LAMA2: variants seen among roughly 807,000 people sequenced by gnomAD.
The protein encoded by LAMA2 is laminin subunit alpha-2.
A neutral mutation model predicts 364.8 loss-of-function variants in LAMA2; 269 were observed. The observed-to-expected ratio is 0.74, with a 90% CI of 0.67 to 0.82. LAMA2 has a LOEUF of 0.82. LAMA2 is among the 40% of genes least tolerant of loss of function. LAMA2 has a pLI of 0.00. For synonymous variants in LAMA2, 1,379 were observed against 1,370.6 expected, an observed-to-expected ratio of 1.01 and a Z score of -0.14; for missense variants, 3,807 against 3,873.2, an observed-to-expected ratio of 0.98 and a Z score of 0.45.
intron 1 of LAMA2, among the ~76,000 whole-genome samples, chr6:128,906,059 AG>A (rs1777442226): frequency 6.7e-6 from 1 of 149,596 alleles, no homozygotes. Flanking sequence ...GTTGGTTCCA[AG>A]TCTTTGCTAT....
At chr6:129,413,223 T>C (rs996342831) in intron 40 of LAMA2, among the ~76,000 whole-genome samples, 1 of 151,990 alleles carries the variant, frequency 6.6e-6, no homozygotes, top group Non-Finnish European at 1.5e-5. Flanking sequence ...AAAGTGATCA[T>C]GATAGAATAA....
chr6:129,062,489 A>C (rs1034810551), intron 3 of LAMA2, among the ~76,000 whole-genome samples: 1 of 152,090 alleles, frequency 6.6e-6, no homozygotes, highest in African/African-American at 2.4e-5. Flanking sequence ...ATATTGCACT[A>C]TCTTCTCCTG....
At chr6:128,927,300 T>A (rs1779159953) in intron 1 of LAMA2, among the ~76,000 whole-genome samples, 2 of 152,220 alleles carry the variant, frequency 1.3e-5, no homozygotes, top group South Asian at 4.1e-4. Flanking sequence ...TCATGAGATG[T>A]CTTAAATACT....
At chr6:129,148,937 A>G in intron 6 of LAMA2, 42 bp from the exon 7 acceptor site, 1 of 1,314,484 alleles carries the variant, frequency 7.6e-7, no homozygotes, top group Non-Finnish European at 1.1e-6. Flanking sequence ...TTATGGTTCT[A>G]AATGAGGCTA....
chr6:128,949,278 C>G (rs562026558), intron 1 of LAMA2, among the ~76,000 whole-genome samples: 1 of 152,224 alleles, frequency 6.6e-6, no homozygotes, highest in South Asian at 2.1e-4. Flanking sequence ...ATATTAGGTG[C>G]AGATTCTTCT....
At chr6:128,990,498 T>G (rs1228980379) in intron 1 of LAMA2, among the ~76,000 whole-genome samples, 1 of 152,222 alleles carries the variant, frequency 6.6e-6, no homozygotes, top group African/African-American at 2.4e-5. Flanking sequence ...CCTATTATAA[T>G]GGATGCTACA....
intron 4 of LAMA2, among the ~76,000 whole-genome samples, chr6:129,130,925 AAAAC>A (rs976644298): frequency 7.9e-5 from 12 of 152,210 alleles, no homozygotes; most frequent in African/African-American, 1.7e-4. Context: ...TTTAGAAATG[AAAAC>A]AAACAAACAA....
intron 51 of LAMA2, among the ~76,000 whole-genome samples, chr6:129,471,494 G>A (rs1478257902): frequency 6.6e-6 from 1 of 151,852 alleles, no homozygotes; most frequent in Admixed American, 6.6e-5. Context: ...GTGATAGAGA[G>A]GCAGAATCTC....
At chr6:128,929,717 C>A in intron 1 of LAMA2, 1 of 1,376,024 alleles carries the variant, frequency 7.3e-7, no homozygotes, top group Non-Finnish European at 1.0e-6. Context: ...ACCTCAAGGT[C>A]AGACCTTCCC....
At chr6:129,485,234 T>A (rs1408089516) in intron 55 of LAMA2, among the ~76,000 whole-genome samples, 4 of 152,176 alleles carry the variant, frequency 2.6e-5, no homozygotes, top group Admixed American at 2.6e-4. Flanking sequence ...CACTACCTAC[T>A]GGCTCCAAAT....
chr6:129,043,998 C>T (rs1787286132), intron 1 of LAMA2, among the ~76,000 whole-genome samples: 2 of 152,192 alleles, frequency 1.3e-5, no homozygotes, highest in Middle Eastern at 6.8e-3. Flanking sequence ...CTCTTTACAC[C>T]TGCTGTGGCT....
chr6:128,883,674 T>A (rs997234504), intron 1 of LAMA2, among the ~76,000 whole-genome samples: 3 of 151,822 alleles, frequency 2.0e-5, no homozygotes, highest in African/African-American at 7.3e-5. Flanking sequence ...TTTTTCCAAT[T>A]GGAAAAAAAA....
At chr6:129,464,744 G>T (rs1783452451) in intron 50 of LAMA2, among the ~76,000 whole-genome samples, 1 of 151,958 alleles carries the variant, frequency 6.6e-6, no homozygotes, top group African/African-American at 2.4e-5. Context: ...CCATACAGCA[G>T]CAAAATGCTT....
At chr6:129,043,640 CATAAGT>C (rs1244958457) in intron 1 of LAMA2, among the ~76,000 whole-genome samples, 3 of 152,258 alleles carry the variant, frequency 2.0e-5, no homozygotes, top group Admixed American at 1.3e-4. Flanking sequence ...TGCTTTTTCT[CATAAGT>C]ATGAGTTACT....
intron 45 of LAMA2, among the ~76,000 whole-genome samples, chr6:129,452,286 G>A (rs1782715852): frequency 6.6e-6 from 1 of 152,088 alleles, no homozygotes; most frequent in Admixed American, 6.5e-5. Context: ...ATTCATATAG[G>A]CATTCCTTTT....
At chr6:128,940,201 C>T (rs946409635) in intron 1 of LAMA2, among the ~76,000 whole-genome samples, 15 of 152,060 alleles carry the variant, frequency 9.9e-5, no homozygotes, top group African/African-American at 3.1e-4. Context: ...CCTCCACTTA[C>T]CCTACTGAAT....
chr6:129,328,327 C>T lies in LAMA2; in HGVS notation c.4226C>T (p.Thr1409Ile). The change falls in exon 29 of 65, where the codon ACC becomes ATC. Residue 1409 changes from threonine (T) to isoleucine (I), a missense_variant. Around this residue, in one of 3 missense-constraint regions of LAMA2, gnomAD observed 3,333 missense variants for 3,345.7 expected, o/e 1.00. Transcript: ENST00000421865. ...CTGCGTTCTCAACCAGGTGGCCGCA[C>T]CCCTGGACCAACCCTGGGCACCTGT... Reference protein sequence around the residue: ...YRLRSQPGGRTPGPTLGTCVP... With the variant: ...YRLRSQPGGRIPGPTLGTCVP... 4 of 1,614,174 alleles carry T rather than the reference C, an allele frequency of 2.5e-6. No homozygotes were observed. In the East Asian group the frequency reaches 6.7e-5, roughly 27 times the overall value.
chr6:129,153,946 T>C (rs549099265), intron 7 of LAMA2, among the ~76,000 whole-genome samples: 129 of 152,274 alleles, frequency 8.5e-4, no homozygotes, highest in African/African-American at 3.1e-3. Context: ...CCATATAAAA[T>C]TGCACGTTAG....
chr6:129,249,365 A>T (rs1188564972), intron 12 of LAMA2, among the ~76,000 whole-genome samples: 1 of 152,210 alleles, frequency 6.6e-6, no homozygotes, highest in African/African-American at 2.4e-5. Context: ...TTCCTGTCCT[A>T]TAAATGATCT....
Sources: allele counts gnomAD v4.1 joint callset (sites outside exome capture counted in the v4.1 genomes callset), GRCh38; gene constraint gnomAD v4.1.1; regional missense constraint gnomAD v4.1.1; transcripts MANE v1.5; gene names NCBI Gene and HGNC (gene_info 2026-07-23, HGNC 2026-07-21).